The following AGBL1 variants were observed in gnomAD, a reference collection of about 807,000 sequenced individuals.
AGBL1 encodes cytosolic carboxypeptidase 4.
In AGBL1, 130 loss-of-function variants were observed where a neutral mutation model predicts 118.9. The ratio of observed to expected loss-of-function variants is 1.09; its 90% CI spans 0.95 to 1.26. The LOEUF (loss-of-function observed/expected upper bound fraction) is 1.26. Among genes scored for constraint, AGBL1 ranks in the 50% most tolerant of loss-of-function variants. The probability of loss-of-function intolerance (pLI) is 0.00; values close to 1 mark genes in which losing one functional copy is unlikely to be tolerated. For missense variants in AGBL1, 1,584 were observed against 1,298.1 expected (o/e 1.22, Z -3.38); for synonymous variants, 555 against 478.9 (o/e 1.16, Z -2.08).
chr15:86,878,368 C>G (rs1394966417), intron 22 of AGBL1, among the ~76,000 whole-genome samples: 1 of 152,122 alleles, frequency 6.6e-6, no homozygotes, highest in African/African-American at 2.4e-5. Context: ...AAAACAAAAC[C>G]TTTGTTTACA....
intron 1 of AGBL1, among the ~76,000 whole-genome samples, chr15:86,097,562 G>T (rs181182605): frequency 2.1e-5 from 3 of 142,074 alleles, no homozygotes; most frequent in Non-Finnish European, 4.5e-5. Flanking sequence ...TAGCTCCCAC[G>T]TATGAGCGAG....
At chr15:86,467,331 C>A (rs553378224) in intron 18 of AGBL1, among the ~76,000 whole-genome samples, 1 of 152,350 alleles carries the variant, frequency 6.6e-6, no homozygotes, top group East Asian at 1.9e-4. Context: ...CCCCACCAAG[C>A]TTGATCATCC....
chr15:86,660,274 T>C (rs1255903559), intron 21 of AGBL1, among the ~76,000 whole-genome samples: 1 of 151,946 alleles, frequency 6.6e-6, no homozygotes, highest in Non-Finnish European at 1.5e-5. Flanking sequence ...CAGAGAGACA[T>C]ATTCATTGTC....
chr15:86,959,200 C>G (rs1016348339), intron 23 of AGBL1, among the ~76,000 whole-genome samples: 1 of 152,008 alleles, frequency 6.6e-6, no homozygotes, highest in Non-Finnish European at 1.5e-5. Context: ...ACATAATAAT[C>G]TTATTGCTCT....
intron 10 of AGBL1, 67 bp downstream of exon 10, chr15:86,262,961 C>A: frequency 8.4e-7 from 1 of 1,189,122 alleles, no homozygotes; most frequent in Non-Finnish European, 1.2e-6. Context: ...TCCTGGGAGG[C>A]CAAACCAGGG....
chr15:86,748,262 C>T (rs955162420), intron 22 of AGBL1, among the ~76,000 whole-genome samples: 9 of 152,082 alleles, frequency 5.9e-5, no homozygotes, highest in Admixed American at 1.3e-4. Flanking sequence ...TGTCTGTTGG[C>T]AGCATAAATG....
intron 5 of AGBL1, among the ~76,000 whole-genome samples, chr15:86,162,008 T>C (rs961846336): frequency 3.3e-5 from 5 of 152,204 alleles, no homozygotes; most frequent in Non-Finnish European, 7.3e-5. Flanking sequence ...ACAAATACTA[T>C]GGGATGTCTG....
At chr15:86,481,242 T>C (rs937212358) in intron 18 of AGBL1, among the ~76,000 whole-genome samples, 1 of 151,948 alleles carries the variant, frequency 6.6e-6, no homozygotes, top group African/African-American at 2.4e-5. Context: ...ATGTGCTAGA[T>C]GCTTTCCTAA....
intron 21 of AGBL1, among the ~76,000 whole-genome samples, chr15:86,608,479 G>A (rs890122395): frequency 6.6e-5 from 10 of 152,248 alleles, no homozygotes; most frequent in South Asian, 2.1e-4. Context: ...AGAGAAATGT[G>A]GCTCAAACTG....
Position 86,609,827 on chromosome 15 carries a change from T to C in AGBL1, c.2994+55290T>C, listed in dbSNP as rs62012545. On this transcript the variant is annotated intron_variant, in intron 21 of 22. Coordinates refer to ENST00000614907, the MANE Select transcript of AGBL1 (RefSeq NM_001386094.1). Reference sequence around the variant, plus strand: ...AAAACAACCCAGGTACTCATAACAATTCATCCAGATTTCCCTCGACTACTT... The same window carrying C: ...AAAACAACCCAGGTACTCATAACAACTCATCCAGATTTCCCTCGACTACTT... Among the ~76,000 whole-genome samples, 1,363 of 152,274 alleles carry C rather than the reference T, an allele frequency of 9.0e-3. 5 individuals are homozygous for C. The highest frequency in any genetic ancestry group is 0.02 in the South Asian group (98 of 4,820).
chr15:86,347,270 T>G (rs1038482132), intron 17 of AGBL1, among the ~76,000 whole-genome samples: 1 of 152,234 alleles, frequency 6.6e-6, no homozygotes, highest in Non-Finnish European at 1.5e-5. Flanking sequence ...TTACTAACTT[T>G]TTAAAGGATA....
In AGBL1 at chr15:86,390,660, A is replaced by ATTTTTTTTT. The variant is rs756052402; in HGVS notation, c.2375-6688_2375-6680dup. 6.8e-3 allele frequency among the ~76,000 whole-genome samples: 512 copies of ATTTTTTTTT among 75,444 alleles called. 77 individuals are homozygous for ATTTTTTTTT. The highest frequency in any genetic ancestry group is 0.026 in the African/African-American group (484 of 18,958). The allele number at this position is 75,444 out of a possible 152,430, so 49.5% of individuals were successfully genotyped here. A position where few individuals can be genotyped will look rare whatever the true frequency, so the allele number is the denominator to read the frequency against. The stretch of plus-strand genomic sequence containing the variant: ...AGGCAGAAAAGTTATATACTGTATG[A>ATTTTTTTTT]TTTTTTTTTTTTTTTTTTTTTTTTT... On this transcript the variant is annotated intron_variant, in intron 17 of 22. Coordinates refer to ENST00000614907, the MANE Select transcript of AGBL1 (RefSeq NM_001386094.1).
At chr15:86,216,457 T>A (rs1597569874) in intron 5 of AGBL1, among the ~76,000 whole-genome samples, 2 of 152,198 alleles carry the variant, frequency 1.3e-5, no homozygotes, top group East Asian at 3.8e-4. Flanking sequence ...TATTGAATAA[T>A]TTTGTAAGAA....
chr15:86,622,227 G>C (rs2084818607), intron 21 of AGBL1, among the ~76,000 whole-genome samples: 2 of 151,912 alleles, frequency 1.3e-5, no homozygotes, highest in African/African-American at 4.8e-5. Context: ...CTACTCAGGA[G>C]GCTGAGTCAG....
At chr15:86,509,299 T>C (rs574091043) in intron 18 of AGBL1, among the ~76,000 whole-genome samples, 65 of 152,178 alleles carry the variant, frequency 4.3e-4, no homozygotes, top group African/African-American at 9.6e-4. Flanking sequence ...AAGAAAAAGA[T>C]TGGGTCTGCA....
At chr15:86,933,912 A>T (rs2080635175) in intron 23 of AGBL1, among the ~76,000 whole-genome samples, 1 of 152,238 alleles carries the variant, frequency 6.6e-6, no homozygotes, top group Non-Finnish European at 1.5e-5. Context: ...AACACTGCCC[A>T]GTACAAGCTC....
intron 22 of AGBL1, among the ~76,000 whole-genome samples, chr15:86,777,249 A>C (rs1368699328): frequency 1.3e-5 from 2 of 151,952 alleles, no homozygotes; most frequent in African/African-American, 4.8e-5. Flanking sequence ...CTATTCCTGC[A>C]CCTGTACCAT....
At chr15:86,711,671 G>A (rs1257179961) in intron 22 of AGBL1, among the ~76,000 whole-genome samples, 1 of 152,148 alleles carries the variant, frequency 6.6e-6, no homozygotes, top group African/African-American at 2.4e-5. Context: ...TGGCCCACTG[G>A]TTAAGTCCAG....
chr15:86,423,005 G>C (rs1312006890), intron 18 of AGBL1, among the ~76,000 whole-genome samples: 1 of 152,174 alleles, frequency 6.6e-6, no homozygotes, highest in East Asian at 1.9e-4. Context: ...TTCTACCAGA[G>C]ACACAAAGAG....
Sources: gnomAD v4.1 joint callset for allele counts (sites outside exome capture counted in the v4.1 genomes callset) on GRCh38, gnomAD v4.1.1 for gene constraint, MANE v1.5 for transcripts, NCBI Gene and HGNC (gene_info 2026-07-23, HGNC 2026-07-21) for gene names.